TSPO: variants seen among roughly 807,000 people sequenced by gnomAD.
TSPO encodes the protein translocator protein, also known as benzodiazepine peripheral binding site.
A neutral mutation model predicts 13.9 loss-of-function variants in TSPO; 14 were observed. The observed-to-expected ratio is 1.01, with a 90% CI of 0.67 to 1.58. The LOEUF is 1.58. Among genes scored for constraint, TSPO ranks in the 40% most tolerant of loss-of-function variants. The pLI is 0.00. For missense variants in TSPO, 232 were observed against 229.6 expected (o/e 1.01, Z -0.07); for synonymous variants, 114 against 105.9 (o/e 1.08, Z -0.47).
chr22:43,151,653 A>G (rs1031005978), intron 1 of TSPO, 49 bp downstream of exon 1: 1 of 152,340 alleles, frequency 6.6e-6, no homozygotes, highest in Non-Finnish European at 1.5e-5. Flanking sequence ...GGGGGCCCGC[A>G]TGGCTGCGAC....
chr22:43,155,265 C>G (rs1014646959), intron 1 of TSPO, among the ~76,000 whole-genome samples: 1 of 152,132 alleles, frequency 6.6e-6, no homozygotes, highest in African/African-American at 2.4e-5. Context: ...GCAGCTGGTC[C>G]CCTGTGGCTG....
At chr22:43,161,274 T>C in intron 3 of TSPO, 84 bp downstream of exon 3, 1 of 1,532,754 alleles carries the variant, frequency 6.5e-7, no homozygotes, top group Non-Finnish European at 8.8e-7. Flanking sequence ...ACTGGGTCAG[T>C]GTCTATAGGC....
Position 43,162,967 on chromosome 22 carries a change from T to C in TSPO, c.486T>C (p.Arg162=). Residue 162 remains arginine (R), a synonymous_variant, in exon 4 of 4, where the codon CGT becomes CGC. Transcript: ENST00000337554. ...YCVWRDNHGW[R]GGRRLPE ...TATGGCGGGACAACCATGGCTGGCG[T>C]GGGGGACGGCGGCTGCCAGAGTGAG... 1 of 1,587,144 alleles carries C rather than the reference T, an allele frequency of 6.3e-7. No homozygotes were observed. The highest frequency in any genetic ancestry group is 8.6e-7 in the Non-Finnish European group (1 of 1,167,656).
Position 43,158,727 on chromosome 22 carries a change from G to A in TSPO, c.-29-483G>A, listed in dbSNP as rs149697428. Among the ~76,000 whole-genome samples the A allele has an allele frequency of 1.2e-4, 19 of 152,334 alleles. 1 individual carries two copies. In the East Asian group the frequency reaches 3.7e-3, roughly 29 times the overall value. On this transcript the variant is annotated intron_variant, in intron 1 of 3. Transcript: ENST00000337554. Reference sequence around the variant, plus strand: ...ACCGAGGGGGAAACTGAGGCCCTGAGTTGATGTGATTTGCCTGAGGTCACA... The same window carrying A: ...ACCGAGGGGGAAACTGAGGCCCTGAATTGATGTGATTTGCCTGAGGTCACA...
In TSPO at chr22:43,159,227, G is replaced by A. The variant is rs930926685; in HGVS notation, c.-12G>A. 31 of 1,534,178 alleles carry A rather than the reference G, an allele frequency of 2.0e-5. No homozygotes were observed. Among genetic ancestry groups the A allele is most frequent in the Non-Finnish European group, 2.7e-5 (31 of 1,138,792 alleles). On this transcript the variant is annotated 5_prime_UTR_variant, in exon 2 of 4. Coordinates refer to ENST00000337554, the MANE Select transcript of TSPO (RefSeq NM_000714.6). ...TCTTTCAGAGCTCCCCTGAACAGCA[G>A]CTGCAGCAGCCATGGCCCCGCCCTG...
intron 1 of TSPO, 78 bp from the exon 2 acceptor site, chr22:43,159,132 T>G: frequency 8.4e-7 from 1 of 1,191,072 alleles, no homozygotes; most frequent in Non-Finnish European, 1.1e-6. Flanking sequence ...GACAGGCCTT[T>G]CGGGGATGCT....
At chr22:43,158,538 T>G (rs936612819) in intron 1 of TSPO, among the ~76,000 whole-genome samples, 1 of 151,696 alleles carries the variant, frequency 6.6e-6, no homozygotes, top group African/African-American at 2.4e-5. Flanking sequence ...TGGGCCAGAG[T>G]GCAGTGTGGC....
At position 43,161,163 on chromosome 22, in the gene TSPO, C is replaced by T. The variant is rs1400952738; in HGVS notation, c.294C>T (p.Ile98=). Reference sequence around the variant, plus strand: ...CCCTGAACTGGGCATGGCCCCCCATCTTCTTTGGTGCCCGACAAATGGGCT... The same window carrying T: ...CCCTGAACTGGGCATGGCCCCCCATTTTCTTTGGTGCCCGACAAATGGGCT... The part of the protein sequence containing the change: ...QLALNWAWPP[I]FFGARQMGWA... The change falls in exon 3 of 4, where the codon ATC becomes ATT. Residue 98 remains isoleucine (I), a synonymous_variant. Coordinates refer to ENST00000337554, the MANE Select transcript of TSPO (RefSeq NM_000714.6). 1 of 1,613,540 alleles carries T rather than the reference C, an allele frequency of 6.2e-7. No homozygotes were observed. The highest frequency in any genetic ancestry group is 2.2e-5 in the East Asian group (1 of 44,874).
intron 1 of TSPO, among the ~76,000 whole-genome samples, chr22:43,158,681 T>C (rs1315820648): frequency 1.3e-5 from 2 of 152,088 alleles, no homozygotes; most frequent in Non-Finnish European, 2.9e-5. Flanking sequence ...TCAAGGTAGG[T>C]GAGCATTGAT....
intron 1 of TSPO, among the ~76,000 whole-genome samples, chr22:43,157,493 G>GT (rs1346268407): frequency 6.6e-6 from 1 of 152,208 alleles, no homozygotes; most frequent in Non-Finnish European, 1.5e-5. Context: ...GGGAATCATA[G>GT]TAAGTGGCAG....
intron 2 of TSPO, among the ~76,000 whole-genome samples, chr22:43,160,005 C>T (rs902018514): frequency 6.6e-6 from 1 of 152,182 alleles, no homozygotes; most frequent in Non-Finnish European, 1.5e-5. Flanking sequence ...AGGGAATTGA[C>T]TGCCTTCTGA....
chr22:43,163,165 C>T lies in TSPO; in HGVS notation c.*174C>T. The stretch of plus-strand genomic sequence containing the variant: ...TGAGCCCCCACCCGGGAGCAGTGTC[C>T]TGTGCTTTCTGCATGCTTAGAGCAT... On this transcript the variant is annotated 3_prime_UTR_variant, in exon 4 of 4. Coordinates refer to ENST00000337554, the MANE Select transcript of TSPO (RefSeq NM_000714.6). 6.9e-7 allele frequency: 1 copy of T among 1,439,712 alleles called. No individual in the cohort carries two copies. The highest frequency in any genetic ancestry group is 1.5e-5 in the South Asian group (1 of 68,174). 89.2% of individuals were successfully genotyped at this position (1,439,712 alleles called of 1,614,324 possible).
rs1483786369 is a variant in TSPO at position 43,163,015 on chromosome 22, A to G, written c.*24A>G. 3 of 1,576,566 alleles carry G rather than the reference A, an allele frequency of 1.9e-6. No individual in the cohort carries two copies. Among genetic ancestry groups the G allele is most frequent in the Non-Finnish European group, 2.6e-6 (3 of 1,161,528 alleles). ...GAGTGCCCGGCCCACCAGGGACTGC[A>G]GCTGCACCAGCAGGTGCCATCACGC... On this transcript the variant is annotated 3_prime_UTR_variant, in exon 4 of 4. Transcript: ENST00000337554.
intron 1 of TSPO, among the ~76,000 whole-genome samples, chr22:43,156,809 T>C (rs1931264771): frequency 6.6e-6 from 1 of 152,206 alleles, no homozygotes; most frequent in Non-Finnish European, 1.5e-5. Flanking sequence ...TGTCTTATGC[T>C]GGTGGTATTA....
intron 1 of TSPO, among the ~76,000 whole-genome samples, chr22:43,156,770 G>GAAAGCGCA (rs1931263288): frequency 6.6e-6 from 1 of 152,216 alleles, no homozygotes; most frequent in Admixed American, 6.5e-5. Context: ...CAGCTTCCAT[G>GAAAGCGCA]TCGTATCAAG....
rs750994845 is a variant in TSPO at position 43,159,360 on chromosome 22, C to T, written c.122C>T (p.Ser41Leu). The T allele has an allele frequency of 3.5e-5, 54 of 1,545,434 alleles. No homozygotes were observed. In the Middle Eastern group the frequency reaches 2.9e-3, roughly 84 times the overall value. Residue 41 changes from serine to leucine, a missense_variant, in exon 2 of 4, where the codon TCG (serine) becomes TTG (leucine). Physicochemically the swap from Ser to Leu is moderately radical, Grantham distance 145. Coordinates refer to ENST00000337554, the MANE Select transcript of TSPO (RefSeq NM_000714.6). Reference protein sequence around the residue: ...LRWYAGLQKPSWHPPHWVLGP... With the variant: ...LRWYAGLQKPLWHPPHWVLGP... ...TGGTACGCCGGCCTGCAGAAGCCCT[C>T]GTGGCACCCGCCCCACTGGGTGCTG...
Position 43,156,511 on chromosome 22 carries a change from G to A in TSPO, c.-29-2699G>A, listed in dbSNP as rs1406171443. On this transcript the variant is annotated intron_variant, in intron 1 of 3. Coordinates refer to ENST00000337554, the MANE Select transcript of TSPO (RefSeq NM_000714.6). Reference sequence around the variant, plus strand: ...TGTCCAGGATGGGCAAGTCCCCAGAGAGAAGTCAGATTGCTGGCGGCCAGG... The same window carrying A: ...TGTCCAGGATGGGCAAGTCCCCAGAAAGAAGTCAGATTGCTGGCGGCCAGG... 2.5e-4 allele frequency among the ~76,000 whole-genome samples: 34 copies of A among 136,376 alleles called. No homozygotes were observed. In the Admixed American group the frequency reaches 2.5e-3, roughly 10 times the overall value. 89.5% of individuals were successfully genotyped at this position (136,376 alleles called of 152,430 possible).
chr22:43,155,046 C>T (rs762960), intron 1 of TSPO, among the ~76,000 whole-genome samples: 49,135 of 150,166 alleles, frequency 0.33, 9,857 homozygotes, highest in East Asian at 0.98. Context: ...GAGGCTGAGA[C>T]GGGCGGTGAC....
intron 1 of TSPO, among the ~76,000 whole-genome samples, chr22:43,158,166 C>CTCCATGTCCCCTGGACTGCT (rs1293718871): frequency 6.6e-6 from 1 of 152,204 alleles, no homozygotes; most frequent in African/African-American, 2.4e-5. Flanking sequence ...GCTTGGCTGC[C>CTCCATGTCCCCTGGACTGCT]TCCATGTCCC....
Sources: gnomAD v4.1 joint callset for allele counts (sites outside exome capture counted in the v4.1 genomes callset) on GRCh38, gnomAD v4.1.1 for gene constraint, MANE v1.5 for transcripts, NCBI Gene and HGNC (gene_info 2026-07-23, HGNC 2026-07-21) for gene names.